DOCK7: variants seen among roughly 807,000 people sequenced by gnomAD.
DOCK7 encodes the protein dedicator of cytokinesis protein 7.
A neutral mutation model predicts 271.0 loss-of-function variants in DOCK7; 138 were observed. The ratio of observed to expected loss-of-function variants is 0.51; its 90% CI spans 0.44 to 0.59. The LOEUF (loss-of-function observed/expected upper bound fraction) is 0.59, where lower values mean the gene tolerates loss of function less well. DOCK7 is among the 20% of genes least tolerant of loss of function. The pLI, the probability that DOCK7 is intolerant of heterozygous loss-of-function variation, is 0.00. For missense variants in DOCK7, 2,066 were observed against 2,592.4 expected, an observed-to-expected ratio of 0.80 and a Z score of 4.41; for synonymous variants, 823 against 876.1, an observed-to-expected ratio of 0.94 and a Z score of 1.07.
chr1:62,489,103 T>A, intron 41 of DOCK7, 38 bp from the exon 42 acceptor site: 3 of 1,515,870 alleles, frequency 2.0e-6, no homozygotes, highest in Non-Finnish European at 2.7e-6. Flanking sequence ...TGCTTTCTTT[T>A]ACATCAATAA....
intron 9 of DOCK7, 83 bp from the exon 10 acceptor site, chr1:62,633,661 C>A: frequency 1.1e-6 from 1 of 902,774 alleles, no homozygotes; most frequent in South Asian, 1.5e-5. Flanking sequence ...ATCAATATAA[C>A]ACATTAACAG....
rs975985784 is a variant in DOCK7, at chr1:62,455,276, G to C, written c.*138C>G. 29 of 868,516 alleles carry C rather than the reference G, an allele frequency of 3.3e-5. No individual in the cohort carries two copies. The East Asian group carries it at 7.6e-4, about 23-fold the overall frequency. The allele number at this position is 868,516 out of a possible 1,614,324, so 53.8% of individuals were successfully genotyped here. On this transcript the variant is annotated 3_prime_UTR_variant, in exon 50 of 50. Coordinates refer to ENST00000635253, the MANE Select transcript of DOCK7 (RefSeq NM_001367561.1). ...TCTCAAGCGTTAACAATCTACATTTGATATTTTCTTGGCCACTGCATTCTT... is the reference window on the plus strand; with the variant it reads ...TCTCAAGCGTTAACAATCTACATTTCATATTTTCTTGGCCACTGCATTCTT...
At chr1:62,502,207 G>C (rs1347956961) in intron 37 of DOCK7, among the ~76,000 whole-genome samples, 3 of 151,874 alleles carry the variant, frequency 2.0e-5, no homozygotes, top group Non-Finnish European at 2.9e-5. Context: ...CTAATAAATT[G>C]GAAAGTTTTT....
At chr1:62,625,199 G>A in intron 12 of DOCK7, 60 bp downstream of exon 12, 1 of 1,582,454 alleles carries the variant, frequency 6.3e-7, no homozygotes, top group Non-Finnish European at 8.6e-7. Flanking sequence ...CTACCTTTCT[G>A]AAATTAAAAA....
chr1:62,485,537 A>G (rs1646267912), intron 43 of DOCK7: 1 of 985,440 alleles, frequency 1.0e-6, no homozygotes, highest in Non-Finnish European at 1.2e-6. Context: ...CTGGACTTCA[A>G]TCCAGTGAAA....
At chr1:62,677,464 C>A (rs1174753822) in intron 1 of DOCK7, among the ~76,000 whole-genome samples, 4 of 152,100 alleles carry the variant, frequency 2.6e-5, no homozygotes, top group Admixed American at 2.6e-4. Flanking sequence ...CTGACATTAT[C>A]CCTGGACCCA....
chr1:62,608,368 C>A (rs1333657067), intron 14 of DOCK7: 1 of 151,834 alleles, frequency 6.6e-6, no homozygotes, highest in Non-Finnish European at 1.5e-5. Flanking sequence ...TTAAACATCT[C>A]CTCTATGCCT....
chr1:62,496,580 T>TA, intron 37 of DOCK7, 83 bp from the exon 38 acceptor site: 1 of 1,347,302 alleles, frequency 7.4e-7, no homozygotes, highest in South Asian at 1.5e-5. Flanking sequence ...AAAAGTATAT[T>TA]TAGTGAAAAA....
In DOCK7 at chr1:62,649,045, CA is replaced by C. The variant is rs1488925121; in HGVS notation, c.390-502del. On this transcript the variant is annotated intron_variant, in intron 4 of 49. Transcript: ENST00000635253. ...TGCAGACTTGTAAAATGAAAAACAG[CA>C]AAATCTACACCATCACTGTGTACAT... 3.3e-5 allele frequency among the ~76,000 whole-genome samples: 5 copies of C among 152,130 alleles called. No individual in the cohort carries two copies. The East Asian group carries it at 9.6e-4, about 29-fold the overall frequency.
chr1:62,604,539 T>C (rs1571735148), intron 14 of DOCK7: 2 of 1,315,314 alleles, frequency 1.5e-6, no homozygotes, highest in Admixed American at 1.8e-5. Context: ...CACTGTAATA[T>C]TTATAAGAAA....
chr1:62,633,009 T>C (rs980016887), intron 10 of DOCK7, among the ~76,000 whole-genome samples: 26 of 152,200 alleles, frequency 1.7e-4, no homozygotes, highest in African/African-American at 6.0e-4. Context: ...ATTAGCCATC[T>C]GATGGCAAAA....
chr1:62,612,192 T>C (rs1030724737), intron 14 of DOCK7, among the ~76,000 whole-genome samples: 8 of 152,088 alleles, frequency 5.3e-5, no homozygotes, highest in Non-Finnish European at 1.0e-4. Context: ...CTGTTAGAGA[T>C]ACATACTGAA....
intron 14 of DOCK7, among the ~76,000 whole-genome samples, chr1:62,599,475 A>G (rs574676448): frequency 1.4e-4 from 21 of 151,798 alleles, no homozygotes; most frequent in Non-Finnish European, 2.7e-4. Flanking sequence ...ATCCCTGAAA[A>G]CTTCTACTTC....
intron 40 of DOCK7, among the ~76,000 whole-genome samples, chr1:62,493,998 A>G (rs946681259): frequency 6.6e-6 from 1 of 152,236 alleles, no homozygotes; most frequent in Admixed American, 6.5e-5. Flanking sequence ...ATAGATGTTA[A>G]AGTATGTAAC....
chr1:62,578,676 C>T (rs1381122672), intron 17 of DOCK7, 152 bp downstream of exon 17: 19 of 646,852 alleles, frequency 2.9e-5, no homozygotes, highest in Middle Eastern at 1.0e-3. Flanking sequence ...GAGCCAAGAT[C>T]GCGCCACTGC....
intron 18 of DOCK7, among the ~76,000 whole-genome samples, chr1:62,567,054 C>T (rs909587695): frequency 1.7e-4 from 26 of 152,244 alleles, no homozygotes; most frequent in African/African-American, 6.0e-4. Context: ...GCAACAGATG[C>T]TGGACAGGAT....
chr1:62,586,440 A>G, intron 15 of DOCK7, 67 bp downstream of exon 15: 1 of 1,242,370 alleles, frequency 8.0e-7, no homozygotes, highest in South Asian at 1.5e-5. Context: ...TTGCCAACCA[A>G]AGAGAAAGAA....
In DOCK7 at chr1:62,586,232, A is replaced by G. The variant is rs1208907233; in HGVS notation, c.1800+275T>C. Among the ~76,000 whole-genome samples the G allele has an allele frequency of 2.0e-5, 3 of 152,166 alleles. No individual in the cohort carries two copies. In the East Asian group the frequency reaches 5.8e-4, roughly 29 times the overall value. On this transcript the variant is annotated intron_variant, in intron 15 of 49. Transcript: ENST00000635253. ...GTGATCTAACCCTCTTTTGAAAATCACTATTTTAGATTTATATGTATTCAT... is the reference window on the plus strand; with the variant it reads ...GTGATCTAACCCTCTTTTGAAAATCGCTATTTTAGATTTATATGTATTCAT...
rs144864441 is a variant in DOCK7, at chr1:62,646,950, T to C, written c.818+741A>G. 4.7e-3 allele frequency among the ~76,000 whole-genome samples: 709 copies of C among 152,338 alleles called. 7 individuals carry two copies. The highest frequency in any genetic ancestry group is 0.017 in the African/African-American group (688 of 41,576). The stretch of plus-strand genomic sequence containing the variant: ...AAATAAGATTATAAGTAAGAACTGA[T>C]GTTAGGTGTCCTGTTATTCAAAAGA... On this transcript the variant is annotated intron_variant, in intron 7 of 49. Transcript: ENST00000635253.
Sources: gnomAD v4.1 joint callset for allele counts (sites outside exome capture counted in the v4.1 genomes callset) on GRCh38, gnomAD v4.1.1 for gene constraint, MANE v1.5 for transcripts, NCBI Gene and HGNC (gene_info 2026-07-23, HGNC 2026-07-21) for gene names.